TM9SF3: variants seen among roughly 807,000 people sequenced by gnomAD.
TM9SF3 encodes the protein SM-11044-binding protein.
A neutral mutation model predicts 78.6 loss-of-function variants in TM9SF3; 14 were observed. That is an observed-to-expected ratio of 0.18 (90% CI 0.12 to 0.28). The LOEUF is 0.28. TM9SF3 is among the 10% of genes least tolerant of loss of function. The probability of loss-of-function intolerance (pLI) is 1.00; values close to 1 mark genes in which losing one functional copy is unlikely to be tolerated. For synonymous variants in TM9SF3, 231 were observed against 241.7 expected, an observed-to-expected ratio of 0.96 and a Z score of 0.41; for missense variants, 496 against 721.9, an observed-to-expected ratio of 0.69 and a Z score of 3.59.
At chr10:96,530,979 T>C (rs532826135) in intron 10 of TM9SF3, among the ~76,000 whole-genome samples, 1 of 151,948 alleles carries the variant, frequency 6.6e-6, no homozygotes, top group East Asian at 1.9e-4. Flanking sequence ...ACGAAGAGTC[T>C]AGAGACCTCC....
In TM9SF3 at chr10:96,530,257, A is replaced by G. The variant is rs182471330; in HGVS notation, c.1394+283T>C. Among the ~76,000 whole-genome samples the G allele has an allele frequency of 9.5e-4, 144 of 152,340 alleles. 2 individuals are homozygous for G. The highest frequency in any genetic ancestry group is 3.2e-3 in the African/African-American group (133 of 41,592). On this transcript the variant is annotated intron_variant, in intron 11 of 14. Transcript: ENST00000371142. The stretch of plus-strand genomic sequence containing the variant: ...AGGAATTCCTTAAATCATGCATATG[A>G]TCAAAGGCTGGTCTACCATTCTTTA...
intron 9 of TM9SF3, among the ~76,000 whole-genome samples, chr10:96,535,139 G>A (rs550099956): frequency 1.1e-4 from 16 of 152,274 alleles, no homozygotes; most frequent in African/African-American, 3.8e-4. Flanking sequence ...GTCTCAAAAA[G>A]ACATTATCAA....
At chr10:96,576,605 C>T in intron 2 of TM9SF3, 29 bp downstream of exon 2, 1 of 1,520,590 alleles carries the variant, frequency 6.6e-7, no homozygotes. Context: ...ATCCAAATTG[C>T]ATTGTAAGGA....
rs969120398 is a variant in TM9SF3, at chr10:96,576,469, T to C, written c.298+165A>G. The C allele has an allele frequency of 7.6e-6, 4 of 523,072 alleles. No homozygotes were observed. In the East Asian group the frequency reaches 1.1e-4, roughly 14 times the overall value. The allele number at this position is 523,072 out of a possible 1,614,324, so 32.4% of individuals were successfully genotyped here. ...GGTTTTCACAACTGGAAGGTGCTAC[T>C]GGCATCTGGGGGGTACAGGCCAGGG... On this transcript the variant is annotated intron_variant, in intron 2 of 14. Coordinates refer to ENST00000371142, the MANE Select transcript of TM9SF3 (RefSeq NM_020123.4).
rs538653328 is a variant in TM9SF3, at chr10:96,546,350, T to C, written c.1054+1545A>G. Among the ~76,000 whole-genome samples the C allele has an allele frequency of 3.3e-5, 5 of 152,340 alleles. No individual in the cohort carries two copies. The South Asian group carries it at 1.0e-3, about 32-fold the overall frequency. On this transcript the variant is annotated intron_variant, in intron 8 of 14. Transcript: ENST00000371142. ...AGACCTGAGCCTGAACTCTGTCAGC[T>C]TTCAAGAATAAGTGTAGTAAAGGAA...
At chr10:96,571,858 T>A (rs2134157248) in intron 2 of TM9SF3, among the ~76,000 whole-genome samples, 1 of 152,318 alleles carries the variant, frequency 6.6e-6, no homozygotes, top group East Asian at 1.9e-4. Flanking sequence ...CTGCAAGAAT[T>A]CTCAAATGGG....
chr10:96,546,990 A>AT (rs1367186680), intron 8 of TM9SF3, among the ~76,000 whole-genome samples: 1 of 152,232 alleles, frequency 6.6e-6, no homozygotes, highest in Non-Finnish European at 1.5e-5. Flanking sequence ...AATACAAGGC[A>AT]TTTCTGAATG....
In TM9SF3 at chr10:96,519,361, T is replaced by A. The variant is rs1252143620; in HGVS notation, c.*2902A>T. 6.6e-6 allele frequency: 1 copy of A among 151,936 alleles called. No homozygotes were observed. The highest frequency in any genetic ancestry group is 6.6e-5 in the Admixed American group (1 of 15,234). The allele number at this position is 151,936 out of a possible 1,614,324, so 9.4% of individuals were successfully genotyped here. On this transcript the variant is annotated 3_prime_UTR_variant, in exon 15 of 15. Coordinates refer to ENST00000371142, the MANE Select transcript of TM9SF3 (RefSeq NM_020123.4). ...TCGGATATCACCATAATATAATGAA[T>A]TCTAAGAGTATGGGGTTTGATTTAT...
intron 14 of TM9SF3, among the ~76,000 whole-genome samples, chr10:96,525,555 C>A (rs1847828921): frequency 6.6e-6 from 1 of 151,912 alleles, no homozygotes. Context: ...AAATGTCATA[C>A]CAAGACTTAG....
intron 10 of TM9SF3, 57 bp from the exon 11 acceptor site, chr10:96,530,665 C>G: frequency 7.0e-7 from 1 of 1,418,744 alleles, no homozygotes; most frequent in East Asian, 2.4e-5. Context: ...GTTATATAAA[C>G]ACTGATAACA....
intron 2 of TM9SF3, among the ~76,000 whole-genome samples, chr10:96,572,795 G>C (rs551569560): frequency 9.9e-5 from 15 of 151,868 alleles, no homozygotes; most frequent in Admixed American, 5.9e-4. Flanking sequence ...GGATTACAGG[G>C]GTGAGCCACC....
At chr10:96,584,534 G>A (rs147532896) in intron 1 of TM9SF3, among the ~76,000 whole-genome samples, 1,586 of 152,234 alleles carry the variant, frequency 0.01, 29 homozygotes, top group African/African-American at 0.036. Context: ...TCGGCCAGGC[G>A]TGGTGGCTCA....
At position 96,551,279 on chromosome 10, in the gene TM9SF3, T is replaced by C. The variant is rs1318497769; in HGVS notation, c.925A>G (p.Ile309Val). The change falls in exon 7 of 15, where the codon ATT becomes GTT. Residue 309 changes from isoleucine (I) to valine (V), a missense_variant. Transcript: ENST00000371142. ...AAATCTTCTATCATTGCAACAATAA[T>C]AACGATGAGAGACACAGCAAATATC... ...CQIFAVSLIV[I>V]IVAMIEDLYT... is the part of the protein sequence containing the mutation. The C allele has an allele frequency of 4.3e-6, 7 of 1,612,266 alleles. No homozygotes were observed. The highest frequency in any genetic ancestry group is 5.9e-6 in the Non-Finnish European group (7 of 1,179,508).
intron 10 of TM9SF3, 98 bp downstream of exon 10, chr10:96,532,953 C>G (rs1347114552): frequency 7.1e-7 from 1 of 1,417,324 alleles, no homozygotes; most frequent in African/African-American, 1.4e-5. Flanking sequence ...TTGTCATTAT[C>G]ATAAATACAT....
chr10:96,580,568 A>T (rs1045435190), intron 1 of TM9SF3, among the ~76,000 whole-genome samples: 2 of 151,884 alleles, frequency 1.3e-5, no homozygotes, highest in Admixed American at 6.6e-5. Flanking sequence ...GCCTGGCCCC[A>T]CTTCATCTTC....
chr10:96,556,841 G>A (rs1205007786), intron 5 of TM9SF3, among the ~76,000 whole-genome samples: 2 of 151,954 alleles, frequency 1.3e-5, no homozygotes, highest in African/African-American at 2.4e-5. Context: ...TACCAAAATC[G>A]TTGTCAAGTT....
chr10:96,551,851 A>G (rs1416866956), intron 6 of TM9SF3, among the ~76,000 whole-genome samples: 1 of 152,204 alleles, frequency 6.6e-6, no homozygotes, highest in Non-Finnish European at 1.5e-5. Context: ...AATGTCCTTT[A>G]GCGCCTAGAA....
At chr10:96,522,406 C>T (rs1847788208) in intron 14 of TM9SF3, 76 bp from the exon 15 acceptor site, 2 of 1,115,448 alleles carry the variant, frequency 1.8e-6, no homozygotes, top group Admixed American at 5.7e-5. Context: ...ACTAAATACT[C>T]TATGCTCTGG....
At chr10:96,584,660 C>T (rs1402832307) in intron 1 of TM9SF3, among the ~76,000 whole-genome samples, 2 of 151,964 alleles carry the variant, frequency 1.3e-5, no homozygotes, top group African/African-American at 4.8e-5. Flanking sequence ...ACTAAAAATA[C>T]AAAAATTAGC....
Sources: allele counts gnomAD v4.1 joint callset (sites outside exome capture counted in the v4.1 genomes callset), GRCh38; gene constraint gnomAD v4.1.1; transcripts MANE v1.5; gene names NCBI Gene and HGNC (gene_info 2026-07-23, HGNC 2026-07-21).